The following KCTD16 variants were observed in gnomAD, a reference collection of about 807,000 sequenced individuals.
KCTD16 encodes the protein potassium channel tetramerization domain containing 16.
A neutral mutation model predicts 33.2 loss-of-function variants in KCTD16; 13 were observed. The ratio of observed to expected loss-of-function variants is 0.39; its 90% CI spans 0.25 to 0.62. The LOEUF (loss-of-function observed/expected upper bound fraction) is 0.62, where lower values mean the gene tolerates loss of function less well. Ranked by LOEUF, KCTD16 falls within the 20% of genes least tolerant of loss-of-function variation. The pLI is 0.50. For synonymous variants in KCTD16, 197 were observed against 195.3 expected (o/e 1.01, Z -0.07); for missense variants, 441 against 525.1 (o/e 0.84, Z 1.57).
intron 3 of KCTD16, among the ~76,000 whole-genome samples, chr5:144,247,610 T>A (rs1311493771): frequency 6.6e-6 from 1 of 152,178 alleles, no homozygotes; most frequent in Non-Finnish European, 1.5e-5. Flanking sequence ...TAGGTAAGTG[T>A]TGGTAGCAAC....
intron 3 of KCTD16, among the ~76,000 whole-genome samples, chr5:144,251,078 G>C (rs1754687641): frequency 6.6e-6 from 1 of 152,182 alleles, no homozygotes. Context: ...TGGGGAAGTG[G>C]CCAGTCTCAG....
chr5:144,385,604 A>G (rs73795525), intron 3 of KCTD16, among the ~76,000 whole-genome samples: 6,875 of 152,248 alleles, frequency 0.045, 300 homozygotes, highest in African/African-American at 0.11. Flanking sequence ...TCACAATAGA[A>G]AATATGGCCA....
At chr5:144,320,415 G>A (rs1425053210) in intron 3 of KCTD16, among the ~76,000 whole-genome samples, 1 of 152,190 alleles carries the variant, frequency 6.6e-6, no homozygotes, top group Non-Finnish European at 1.5e-5. Flanking sequence ...GGGACAGGTA[G>A]CTTGTCTCTA....
At chr5:144,277,736 A>T (rs1755477118) in intron 3 of KCTD16, among the ~76,000 whole-genome samples, 1 of 152,182 alleles carries the variant, frequency 6.6e-6, no homozygotes, top group Non-Finnish European at 1.5e-5. Context: ...GTGTGTAGTT[A>T]TAGCTCATGG....
intron 3 of KCTD16, among the ~76,000 whole-genome samples, chr5:144,248,742 C>T (rs1286097037): frequency 6.6e-6 from 1 of 152,094 alleles, no homozygotes; most frequent in Non-Finnish European, 1.5e-5. Context: ...TCACGGATGA[C>T]ATTGTGGTTT....
In KCTD16 at chr5:144,478,478, T is replaced by C. The variant is rs1042746729; in HGVS notation, c.*4364T>C. The C allele has an allele frequency of 6.6e-6, 1 of 152,080 alleles. No homozygotes were observed. The highest frequency in any genetic ancestry group is 1.5e-5 in the Non-Finnish European group (1 of 67,954). The allele number at this position is 152,080 out of a possible 1,614,324, so 9.4% of individuals were successfully genotyped here. A position where few individuals can be genotyped will look rare whatever the true frequency, so the allele number is the denominator to read the frequency against. On this transcript the variant is annotated 3_prime_UTR_variant, in exon 4 of 4. Coordinates refer to ENST00000512467, the MANE Select transcript of KCTD16 (RefSeq NM_020768.4). ...GAGATTCTTTTTCCAGTGATCTCCA[T>C]TGCAAACTTTTTAATAGTGTTTTTT...
intron 3 of KCTD16, among the ~76,000 whole-genome samples, chr5:144,329,191 C>A (rs905954713): frequency 1.3e-5 from 2 of 152,152 alleles, no homozygotes; most frequent in Admixed American, 1.3e-4. Flanking sequence ...CTGATCAGGC[C>A]TGACTGGCTC....
chr5:144,418,151 G>A (rs1015340788), intron 3 of KCTD16, among the ~76,000 whole-genome samples: 7 of 152,164 alleles, frequency 4.6e-5, no homozygotes, highest in Admixed American at 3.3e-4. Flanking sequence ...CAGGAGTGAA[G>A]CTGAAGACCT....
intron 2 of KCTD16, among the ~76,000 whole-genome samples, chr5:144,189,926 A>G (rs1329144540): frequency 2.0e-5 from 3 of 152,174 alleles, no homozygotes; most frequent in Non-Finnish European, 4.4e-5. Flanking sequence ...TGCATTCAGG[A>G]TGAGGCTGAC....
chr5:144,430,441 A>C (rs960950961), intron 3 of KCTD16, among the ~76,000 whole-genome samples: 1 of 152,012 alleles, frequency 6.6e-6, no homozygotes, highest in Non-Finnish European at 1.5e-5. Flanking sequence ...TAGGAGCCAA[A>C]AGGGTTGGCT....
chr5:144,299,098 A>G (rs7713840), intron 3 of KCTD16, among the ~76,000 whole-genome samples: 2,360 of 8,770 alleles, frequency 0.27, 259 homozygotes, highest in South Asian at 0.4. Flanking sequence ...ATCACTATGT[A>G]TATATATATA....
chr5:144,393,722 C>G (rs183997677), intron 3 of KCTD16, among the ~76,000 whole-genome samples: 1 of 152,140 alleles, frequency 6.6e-6, no homozygotes, highest in Non-Finnish European at 1.5e-5. Flanking sequence ...CCCTGACAAC[C>G]TGCATTCTGT....
intron 2 of KCTD16, among the ~76,000 whole-genome samples, chr5:144,175,531 C>T (rs1752486743): frequency 6.6e-6 from 1 of 152,160 alleles, no homozygotes; most frequent in Non-Finnish European, 1.5e-5. Flanking sequence ...CTGTAATCTT[C>T]TCATTGGGCA....
chr5:144,264,341 C>T (rs1020285127), intron 3 of KCTD16, among the ~76,000 whole-genome samples: 1 of 152,076 alleles, frequency 6.6e-6, no homozygotes. Context: ...ATGAATTTCA[C>T]GTTTTTCATT....
intron 3 of KCTD16, among the ~76,000 whole-genome samples, chr5:144,275,965 G>A (rs1043610277): frequency 6.6e-6 from 1 of 152,170 alleles, no homozygotes; most frequent in African/African-American, 2.4e-5. Flanking sequence ...TCCAGGTTAC[G>A]TGCCTTTAGG....
chr5:144,309,596 C>T (rs1017454138), intron 3 of KCTD16, among the ~76,000 whole-genome samples: 1 of 152,044 alleles, frequency 6.6e-6, no homozygotes, highest in Non-Finnish European at 1.5e-5. Flanking sequence ...TGTTTTGGGC[C>T]AAATATTAGT....
chr5:144,242,746 A>C (rs141046693), intron 3 of KCTD16, among the ~76,000 whole-genome samples: 13 of 152,212 alleles, frequency 8.5e-5, no homozygotes, highest in African/African-American at 2.4e-4. Flanking sequence ...TTGCATGGTC[A>C]TAGAGGAAGC....
At chr5:144,408,860 C>G (rs1384747413) in intron 3 of KCTD16, among the ~76,000 whole-genome samples, 1 of 152,174 alleles carries the variant, frequency 6.6e-6, no homozygotes, top group African/African-American at 2.4e-5. Flanking sequence ...TATTCCTCCC[C>G]CAGACCTTCA....
chr5:144,201,361 A>G (rs770084759), intron 2 of KCTD16, among the ~76,000 whole-genome samples: 18 of 152,190 alleles, frequency 1.2e-4, no homozygotes, highest in Non-Finnish European at 2.4e-4. Flanking sequence ...TAATAAATAC[A>G]TTTATAACAA....
Sources: gnomAD v4.1 joint callset for allele counts (sites outside exome capture counted in the v4.1 genomes callset) on GRCh38, gnomAD v4.1.1 for gene constraint, MANE v1.5 for transcripts, NCBI Gene and HGNC (gene_info 2026-07-23, HGNC 2026-07-21) for gene names.